The following ROBO2 variants were observed in gnomAD, a reference collection of about 807,000 sequenced individuals.
The protein encoded by ROBO2 is roundabout guidance receptor 2, also known as roundabout homolog 2.
Under a neutral mutation model 160.8 loss-of-function variants are expected in ROBO2, and 53 were observed. The observed-to-expected ratio is 0.33, with a 90% confidence interval of 0.26 to 0.41. ROBO2 has a LOEUF of 0.41. ROBO2 is among the 10% of genes least tolerant of loss of function. The probability of loss-of-function intolerance (pLI) is 1.00; values close to 1 mark genes in which losing one functional copy is unlikely to be tolerated. For synonymous variants in ROBO2, 664 were observed against 611.7 expected, an observed-to-expected ratio of 1.09 and a Z score of -1.26; for missense variants, 1,577 against 1,722.4, an observed-to-expected ratio of 0.92 and a Z score of 1.49.
At chr3:77,549,631 C>A (rs557182839) in intron 7 of ROBO2, among the ~76,000 whole-genome samples, 1 of 151,984 alleles carries the variant, frequency 6.6e-6, no homozygotes, top group East Asian at 1.9e-4. Flanking sequence ...GGACATCCAT[C>A]ATGTTGCAAT....
chr3:77,105,562 C>CAGTCTCTCCTTTGATCTTCACAAATGA (rs2072680398), intron 2 of ROBO2, among the ~76,000 whole-genome samples: 1 of 152,182 alleles, frequency 6.6e-6, no homozygotes, highest in East Asian at 1.9e-4. Context: ...CTTTCAAATG[C>CAGTCTCTCCTTTGATCTTCACAAATGA]AGTCTCTCCT....
chr3:77,501,357 C>A (rs1388962735), intron 5 of ROBO2, among the ~76,000 whole-genome samples: 1 of 151,946 alleles, frequency 6.6e-6, no homozygotes, highest in East Asian at 1.9e-4. Flanking sequence ...TACTTGTGTG[C>A]ACAAGACAAT....
chr3:76,350,209 G>A (rs575304094), intron 2 of ROBO2, among the ~76,000 whole-genome samples: 2 of 152,100 alleles, frequency 1.3e-5, no homozygotes, highest in Non-Finnish European at 2.9e-5. Flanking sequence ...TTCTTCTTGG[G>A]ATTTTTCATT....
chr3:76,513,365 T>C (rs1319955170), intron 2 of ROBO2, among the ~76,000 whole-genome samples: 2 of 152,144 alleles, frequency 1.3e-5, no homozygotes, highest in African/African-American at 4.8e-5. Flanking sequence ...TTATTTTTAT[T>C]TTTCTGAGGA....
chr3:75,938,525 G>T (rs1947898154), intron 2 of ROBO2, among the ~76,000 whole-genome samples: 1 of 151,998 alleles, frequency 6.6e-6, no homozygotes, highest in Non-Finnish European at 1.5e-5. Flanking sequence ...CTGTAAGCAG[G>T]AAGTTCACAG....
intron 2 of ROBO2, among the ~76,000 whole-genome samples, chr3:77,376,097 T>C (rs922457530): frequency 6.6e-6 from 1 of 151,382 alleles, no homozygotes; most frequent in Admixed American, 6.6e-5. Flanking sequence ...CCATTATCAA[T>C]ACAGTTGTAC....
At chr3:77,343,150 T>C (rs1175675277) in intron 2 of ROBO2, among the ~76,000 whole-genome samples, 1 of 152,106 alleles carries the variant, frequency 6.6e-6, no homozygotes, top group Non-Finnish European at 1.5e-5. Flanking sequence ...TCATTTAGCC[T>C]TAATTATTGC....
chr3:76,102,253 C>T lies in ROBO2; in HGVS notation c.109+164651C>T, dbSNP rs142768024. ...CGTGGAAACAAGGAATGTAAAACAT[C>T]TCAGTAATACATATATTGGTTGCAT... On this transcript the variant is annotated intron_variant, in intron 2 of 26. Coordinates refer to the ROBO2 transcript ENST00000487694. 5.4e-3 allele frequency among the ~76,000 whole-genome samples: 815 copies of T among 152,286 alleles called. 11 individuals carry two copies. Among genetic ancestry groups the T allele is most frequent in the African/African-American group, 0.019 (789 of 41,532 alleles).
At chr3:77,486,294 G>A (rs369258109) in intron 4 of ROBO2, among the ~76,000 whole-genome samples, 145 of 151,934 alleles carry the variant, frequency 9.5e-4, no homozygotes, top group African/African-American at 3.0e-3. Flanking sequence ...TATCTACCCC[G>A]TAATAGTAAT....
At chr3:77,604,739 G>A (rs1399347193) in intron 20 of ROBO2, among the ~76,000 whole-genome samples, 1 of 151,964 alleles carries the variant, frequency 6.6e-6, no homozygotes, top group Non-Finnish European at 1.5e-5. Flanking sequence ...TCTTTCCTAA[G>A]ACTTAAATTT....
At chr3:76,001,658 C>G (rs551228329) in intron 2 of ROBO2, among the ~76,000 whole-genome samples, 69 of 152,226 alleles carry the variant, frequency 4.5e-4, no homozygotes, top group African/African-American at 1.6e-3. Context: ...CCACCTCAGC[C>G]TCCTGGGTAA....
chr3:77,291,123 C>T (rs1231195779), intron 2 of ROBO2, among the ~76,000 whole-genome samples: 2 of 150,438 alleles, frequency 1.3e-5, no homozygotes, highest in African/African-American at 4.9e-5. Flanking sequence ...CTAGATCACC[C>T]CAGACATAAA....
In ROBO2 at chr3:77,421,748, A is replaced by C. The variant is rs185801206; in HGVS notation, c.389-55666A>C. Among the ~76,000 whole-genome samples, 748 of 152,282 alleles carry C rather than the reference A, an allele frequency of 4.9e-3. 6 individuals are homozygous for C. Among genetic ancestry groups the C allele is most frequent in the Non-Finnish European group, 5.7e-3 (390 of 68,012 alleles). On this transcript the variant is annotated intron_variant, in intron 2 of 25. Transcript: ENST00000461745. ...GGGAAAATGATAAGCAGATAGATAT[A>C]GAAAAATAAAAATGGGTAAATAACA...
chr3:75,986,679 G>T (rs1487703411), intron 2 of ROBO2, among the ~76,000 whole-genome samples: 1 of 151,196 alleles, frequency 6.6e-6, no homozygotes, highest in African/African-American at 2.4e-5. Context: ...AGTATTTTTT[G>T]TATTACATTT....
chr3:77,626,535 T>C, intron 23 of ROBO2, among the ~76,000 whole-genome samples: 1 of 152,322 alleles, frequency 6.6e-6, no homozygotes, highest in East Asian at 1.9e-4. Context: ...AATAAGCCTG[T>C]AATTTCTTCC....
chr3:76,425,487 AGTGT>A (rs10530471), intron 2 of ROBO2, among the ~76,000 whole-genome samples: 2,811 of 146,492 alleles, frequency 0.019, 41 homozygotes, highest in East Asian at 0.08. Context: ...TGATGCAGCA[AGTGT>A]GTGTGTGTGT....
chr3:77,072,364 C>T (rs1287824196), intron 1 of ROBO2, among the ~76,000 whole-genome samples: 2 of 151,762 alleles, frequency 1.3e-5, no homozygotes, highest in African/African-American at 4.9e-5. Context: ...TTGAATCATC[C>T]CCAAACCCTC....
At chr3:77,581,368 A>C (rs2093914832) in intron 16 of ROBO2, among the ~76,000 whole-genome samples, 1 of 152,146 alleles carries the variant, frequency 6.6e-6, no homozygotes, top group South Asian at 2.1e-4. Flanking sequence ...GTGCTTCCTA[A>C]GAAATTGTGG....
In ROBO2 at chr3:77,272,867, ATCTC is replaced by A. The variant is rs367554628; in HGVS notation, c.388+174533_388+174536del. 3.7e-4 allele frequency among the ~76,000 whole-genome samples: 57 copies of A among 152,244 alleles called. No individual in the cohort carries two copies. In the East Asian group the frequency reaches 7.9e-3, roughly 21 times the overall value. Reference sequence around the variant, plus strand: ...AGAAAGTATCCTTATTTTATAAAAAATCTCTCTCTATATATATTTAGATTAATCT... The same window carrying A: ...AGAAAGTATCCTTATTTTATAAAAAATCTCTATATATATTTAGATTAATCT... On this transcript the variant is annotated intron_variant, in intron 2 of 25. Transcript: ENST00000461745.
Sources: allele counts gnomAD v4.1 joint callset (sites outside exome capture counted in the v4.1 genomes callset), GRCh38; gene constraint gnomAD v4.1.1; transcripts MANE v1.5; gene names NCBI Gene and HGNC (gene_info 2026-07-23, HGNC 2026-07-21).